Variants in ARHGAP23 observed in about 807,000 individuals in gnomAD.
ARHGAP23 encodes rho GTPase-activating protein 23.
ARHGAP23 carries 34 observed loss-of-function variants against 136.3 expected under a neutral mutation model. The observed-to-expected ratio is 0.25, with a 90% CI of 0.19 to 0.33. The LOEUF is 0.33. Ranked by LOEUF, ARHGAP23 falls within the 10% of genes least tolerant of loss-of-function variation. ARHGAP23 has a pLI of 1.00. For missense variants in ARHGAP23, 1,808 were observed against 2,139.0 expected (o/e 0.85, Z 3.05); for synonymous variants, 832 against 920.5 (o/e 0.90, Z 1.74).
intron 23 of ARHGAP23, among the ~76,000 whole-genome samples, chr17:38,506,651 G>A (rs2040639910): frequency 6.6e-6 from 1 of 152,184 alleles, no homozygotes. Context: ...AAAGAAAAGA[G>A]AGCGCAAGAG....
At chr17:38,452,296 A>AC (rs1163603479) in intron 1 of ARHGAP23, 10 of 142,056 alleles carry the variant, frequency 7.0e-5, no homozygotes, top group African/African-American at 2.4e-4. Context: ...CTCCCCCCCA[A>AC]CCCCCTTGCT....
At chr17:38,459,583 A>C (rs1466787655) in intron 2 of ARHGAP23, among the ~76,000 whole-genome samples, 1 of 152,164 alleles carries the variant, frequency 6.6e-6, no homozygotes, top group Non-Finnish European at 1.5e-5. Context: ...TGCCCCCAGC[A>C]TCTTCTCTCA....
intron 6 of ARHGAP23, among the ~76,000 whole-genome samples, chr17:38,464,538 C>T (rs1313828589): frequency 1.3e-5 from 2 of 152,340 alleles, no homozygotes; most frequent in Admixed American, 1.3e-4. Context: ...CTGGAAACCT[C>T]CACCCCTGAC....
At chr17:38,502,274 C>G (rs1265813146) in intron 23 of ARHGAP23, among the ~76,000 whole-genome samples, 1 of 152,174 alleles carries the variant, frequency 6.6e-6, no homozygotes, top group African/African-American at 2.4e-5. Flanking sequence ...CCACTGCACT[C>G]CAGTCTGGGC....
rs2040732081 is a variant in ARHGAP23 at position 38,510,419 on chromosome 17, G to C, written c.3923G>C (p.Ser1308Thr). 8.1e-7 allele frequency: 1 copy of C among 1,237,934 alleles called. No homozygotes were observed. Among genetic ancestry groups the C allele is most frequent in the Admixed American group, 4.1e-5 (1 of 24,434 alleles). 76.7% of individuals were successfully genotyped at this position (1,237,934 alleles called of 1,614,324 possible). A position where few individuals can be genotyped will look rare whatever the true frequency, so the allele number is the denominator to read the frequency against. The change falls in exon 24 of 24, where the codon AGC (serine) becomes ACC (threonine). Residue 1308 changes from serine to threonine, a missense_variant. Transcript: ENST00000622683. The surrounding 1 kb of genome is among the most constrained non-coding windows in gnomAD (Gnocchi z 4.6). ...GGRLTRRPSF[S>T]SHHLMPCDTL... ...CGCCTGACACGCCGGCCGTCCTTCAGCTCGCACCACCTCATGCCCTGCGAC... is the reference window on the plus strand; with the variant it reads ...CGCCTGACACGCCGGCCGTCCTTCACCTCGCACCACCTCATGCCCTGCGAC...
chr17:38,490,830 G>A (rs1037955351), intron 19 of ARHGAP23, among the ~76,000 whole-genome samples: 41 of 152,138 alleles, frequency 2.7e-4, no homozygotes, highest in African/African-American at 9.7e-4. Context: ...CAAGTCCCTC[G>A]CATTGCATTT....
At chr17:38,462,816 C>T (rs1172855808) in intron 3 of ARHGAP23, 30 bp from the exon 4 acceptor site, 1 of 1,465,534 alleles carries the variant, frequency 6.8e-7, no homozygotes, top group Non-Finnish European at 9.1e-7. Context: ...TCCCCAGCCA[C>T]CCCCAGCTAA....
chr17:38,424,956 T>G (rs1346163668), upstream of ARHGAP23, among the ~76,000 whole-genome samples: 1 of 152,216 alleles, frequency 6.6e-6, no homozygotes, highest in Non-Finnish European at 1.5e-5. Context: ...CCCTGCACTC[T>G]TCCATTTCCT....
intron 23 of ARHGAP23, among the ~76,000 whole-genome samples, chr17:38,503,778 A>G (rs1332239508): frequency 6.6e-6 from 1 of 152,216 alleles, no homozygotes; most frequent in Non-Finnish European, 1.5e-5. Context: ...AGGGCCTTGA[A>G]CAATAGAACG....
chr17:38,424,158 G>A (rs995156231), upstream of ARHGAP23, among the ~76,000 whole-genome samples: 1 of 152,106 alleles, frequency 6.6e-6, no homozygotes, highest in Non-Finnish European at 1.5e-5. Flanking sequence ...GGGCTCCTTT[G>A]AGGACATCAT....
rs764381799 is a variant in ARHGAP23, at chr17:38,479,870, C to A, written c.2616C>A (p.Pro872=). ...AARGLRTQDL[P]AGSKDDSAAA... The stretch of plus-strand genomic sequence containing the variant: ...GTGGCCTCAGGACTCAGGACCTGCC[C>A]GCAGGGAGCAAGGGTAGGAAGGTGG... Residue 872 remains proline, a synonymous_variant, in exon 14 of 24, where the codon CCC becomes CCA. Coordinates refer to ENST00000622683, the MANE Select transcript of ARHGAP23 (RefSeq NM_001199417.2). The A allele has an allele frequency of 5.2e-6, 8 of 1,541,212 alleles. No homozygotes were observed. The highest frequency in any genetic ancestry group is 7.0e-6 in the Non-Finnish European group (8 of 1,143,280).
chr17:38,489,311 C>G (rs1252727919), intron 17 of ARHGAP23, among the ~76,000 whole-genome samples: 1 of 152,186 alleles, frequency 6.6e-6, no homozygotes. Context: ...ATAATTTTCA[C>G]AGTTGGCTCT....
At chr17:38,495,038 T>A (rs2144769421) in intron 20 of ARHGAP23, among the ~76,000 whole-genome samples, 1 of 152,318 alleles carries the variant, frequency 6.6e-6, no homozygotes, top group South Asian at 2.1e-4. Flanking sequence ...ACATCTATTA[T>A]ACATTAACAA....
chr17:38,455,807 G>C (rs2039310706), intron 1 of ARHGAP23, among the ~76,000 whole-genome samples: 1 of 152,176 alleles, frequency 6.6e-6, no homozygotes, highest in African/African-American at 2.4e-5. Flanking sequence ...AGCAGAGATG[G>C]GAAATCCGGG....
intron 15 of ARHGAP23, 33 bp downstream of exon 15, chr17:38,482,176 G>A (rs1394569627): frequency 1.6e-5 from 24 of 1,541,374 alleles, no homozygotes; most frequent in Non-Finnish European, 2.1e-5. Flanking sequence ...AGCAGGCCCA[G>A]CAGGGGGAGA....
At chr17:38,422,764 A>G (rs1173638179) in intron 1 of ARHGAP23, among the ~76,000 whole-genome samples, 1 of 152,060 alleles carries the variant, frequency 6.6e-6, no homozygotes, top group Non-Finnish European at 1.5e-5. Flanking sequence ...CTCCCTCCCC[A>G]AGGGGTGTTC....
At position 38,466,514 on chromosome 17, in the gene ARHGAP23, G is replaced by A; in HGVS notation, c.831G>A (p.Val277=). 1.3e-6 allele frequency: 2 copies of A among 1,481,980 alleles called. No individual in the cohort carries two copies. The highest frequency in any genetic ancestry group is 1.8e-6 in the Non-Finnish European group (2 of 1,118,858). The allele number at this position is 1,481,980 out of a possible 1,614,324, so 91.8% of individuals were successfully genotyped here. Residue 277 remains valine, a synonymous_variant, in exon 7 of 24, where the codon GTG becomes GTA. Coordinates refer to ENST00000622683, the MANE Select transcript of ARHGAP23 (RefSeq NM_001199417.2). The part of the protein sequence containing the change: ...PRAFPEPGSR[V]PPSRLECQQA... ...CCTTCCCAGAGCCTGGCAGCCGGGTGCCCCCCAGCAGACTGGAGTGCCAGC... is the reference window on the plus strand; with the variant it reads ...CCTTCCCAGAGCCTGGCAGCCGGGTACCCCCCAGCAGACTGGAGTGCCAGC...
At position 38,453,418 on chromosome 17, in the gene ARHGAP23, C is replaced by CGT. The variant is rs1468704405; in HGVS notation, c.64-4682_64-4681dup. On this transcript the variant is annotated intron_variant, in intron 1 of 23. Transcript: ENST00000622683. ...GATGGGGCTGATGCGCGCGCGTATG[C>CGT]GTGCGTGTGTGTGTGTGTGTGTGTG... Among the ~76,000 whole-genome samples the CGT allele has an allele frequency of 1.5e-3, 149 of 100,940 alleles. 1 individual carries two copies. The highest frequency in any genetic ancestry group is 1.8e-3 in the Admixed American group (18 of 9,870). The allele number at this position is 100,940 out of a possible 152,430, so 66.2% of individuals were successfully genotyped here.
At chr17:38,455,310 T>C (rs2039296987) in intron 1 of ARHGAP23, among the ~76,000 whole-genome samples, 2 of 152,098 alleles carry the variant, frequency 1.3e-5, no homozygotes, top group African/African-American at 4.8e-5. Context: ...GTGGTAGCTG[T>C]GGCTGTGTGG....
Sources: gnomAD v4.1 joint callset for allele counts (sites outside exome capture counted in the v4.1 genomes callset) on GRCh38, gnomAD v4.1.1 for gene constraint, Gnocchi (gnomAD v3.1) non-coding constraint, MANE v1.5 for transcripts, NCBI Gene and HGNC (gene_info 2026-07-23, HGNC 2026-07-21) for gene names.